APP: variants seen among roughly 807,000 people sequenced by gnomAD.
APP encodes the protein amyloid-beta precursor protein.
In APP, 31 loss-of-function variants were observed where a neutral mutation model predicts 101.4. That is an observed-to-expected ratio of 0.31 (90% CI 0.23 to 0.41). The LOEUF (loss-of-function observed/expected upper bound fraction) is 0.41. Ranked by LOEUF, APP falls within the 10% of genes least tolerant of loss-of-function variation. The pLI is 1.00. For missense variants in APP, 839 were observed against 1,003.7 expected, an observed-to-expected ratio of 0.84 and a Z score of 2.22; for synonymous variants, 366 against 364.4, an observed-to-expected ratio of 1.00 and a Z score of -0.05.
At chr21:26,114,147 G>A (rs55728111) in intron 1 of APP, among the ~76,000 whole-genome samples, 3,680 of 152,216 alleles carry the variant, frequency 0.024, 154 homozygotes, top group African/African-American at 0.084. Flanking sequence ...CTCCTCCTCT[G>A]CCTCAAACTC....
intron 11 of APP, among the ~76,000 whole-genome samples, chr21:25,958,607 A>G (rs183679930): frequency 6.6e-6 from 1 of 152,346 alleles, no homozygotes; most frequent in Admixed American, 6.5e-5. Context: ...TACATTTAAA[A>G]ATAAGCACAA....
At chr21:26,062,491 C>T (rs771987700) in intron 3 of APP, among the ~76,000 whole-genome samples, 1 of 151,580 alleles carries the variant, frequency 6.6e-6, no homozygotes, top group Non-Finnish European at 1.5e-5. Context: ...GGTGAAACCC[C>T]GTCTCTACTA....
intron 3 of APP, among the ~76,000 whole-genome samples, chr21:26,080,803 T>C (rs1398518326): frequency 6.6e-6 from 1 of 151,908 alleles, no homozygotes; most frequent in Non-Finnish European, 1.5e-5. Context: ...AATCCTGCTT[T>C]CCAAAGATTA....
intron 4 of APP, 128 bp downstream of exon 4, chr21:26,053,108 T>A (rs1393065373): frequency 1.3e-6 from 1 of 788,520 alleles, no homozygotes; most frequent in Non-Finnish European, 2.3e-6. Flanking sequence ...TTACGGATAG[T>A]AGCACTGGGT....
chr21:26,096,557 C>G (rs1382642355), intron 2 of APP, among the ~76,000 whole-genome samples: 1 of 152,226 alleles, frequency 6.6e-6, no homozygotes, highest in African/African-American at 2.4e-5. Flanking sequence ...CACACAAAGG[C>G]TGTCGTTAGA....
intron 5 of APP, among the ~76,000 whole-genome samples, chr21:26,047,775 T>C (rs1241296066): frequency 2.6e-5 from 4 of 152,140 alleles, no homozygotes; most frequent in Non-Finnish European, 5.9e-5. Flanking sequence ...CCAAATATAG[T>C]AGTCACCAGC....
rs1437427798 is a variant in APP, at chr21:25,975,063, G to A, written c.1458+7C>T. ...TGAAGTGTGAACTCGGCTGCAGCGA[G>A]ACCTACCCGAGGAGGAACAGCCTGC... On this transcript the variant is annotated splice_region_variant and intron_variant, in intron 11 of 17. Coordinates refer to ENST00000346798, the MANE Select transcript of APP (RefSeq NM_000484.4). The A allele has an allele frequency of 8.1e-6, 13 of 1,613,924 alleles. No homozygotes were observed. Among genetic ancestry groups the A allele is most frequent in the Non-Finnish European group, 1.0e-5 (12 of 1,180,030 alleles).
chr21:26,033,452 C>A (rs2044937980), intron 5 of APP, among the ~76,000 whole-genome samples: 1 of 152,188 alleles, frequency 6.6e-6, no homozygotes, highest in Non-Finnish European at 1.5e-5. Context: ...TTATAAACTA[C>A]CCAGTCTTGG....
rs757677260 is a variant in APP at position 25,955,615 on chromosome 21, C to A, written c.1587+12G>T. The A allele has an allele frequency of 6.2e-7, 1 of 1,613,980 alleles. No homozygotes were observed. The highest frequency in any genetic ancestry group is 1.1e-5 in the South Asian group (1 of 91,072). ...GTCAAAGCTGCAGAAGATGATTATA[C>A]CCCACGCTTACCTGGGACCGGATCT... On this transcript the variant is annotated intron_variant, in intron 12 of 17. Coordinates refer to ENST00000346798, the MANE Select transcript of APP (RefSeq NM_000484.4).
chr21:26,017,294 G>GACAGAGAATC (rs1241912034), intron 6 of APP, among the ~76,000 whole-genome samples: 12 of 146,110 alleles, frequency 8.2e-5, no homozygotes, highest in African/African-American at 2.8e-4. Flanking sequence ...AAGGTTTAAA[G>GACAGAGAATC]ACAGAGAATC....
intron 8 of APP, among the ~76,000 whole-genome samples, chr21:25,991,576 C>T (rs1313100339): frequency 6.6e-6 from 1 of 152,192 alleles, no homozygotes; most frequent in African/African-American, 2.4e-5. Context: ...TGGGGTTTCG[C>T]CATGTTGGCC....
At chr21:25,958,108 C>G (rs1891584039) in intron 11 of APP, among the ~76,000 whole-genome samples, 2 of 152,258 alleles carry the variant, frequency 1.3e-5, no homozygotes, top group Non-Finnish European at 2.9e-5. Context: ...AAAGGACTGT[C>G]ACCAACAAGC....
chr21:26,114,321 T>C (rs2062390326), intron 1 of APP, among the ~76,000 whole-genome samples: 1 of 152,098 alleles, frequency 6.6e-6, no homozygotes, highest in Non-Finnish European at 1.5e-5. Flanking sequence ...AGGCCCCCAA[T>C]AGTCCCTGCC....
chr21:26,045,018 C>T (rs139630056), intron 5 of APP, among the ~76,000 whole-genome samples: 1 of 152,064 alleles, frequency 6.6e-6, no homozygotes, highest in African/African-American at 2.4e-5. Context: ...TATGTCTGTG[C>T]AACACATTTA....
At chr21:26,088,672 G>C (rs187028859) in intron 3 of APP, among the ~76,000 whole-genome samples, 3 of 152,164 alleles carry the variant, frequency 2.0e-5, no homozygotes, top group Admixed American at 2.0e-4. Context: ...TTTTTGAGTA[G>C]GAGTTCTGTA....
chr21:25,995,721 GA>G, intron 8 of APP, among the ~76,000 whole-genome samples: 1 of 152,132 alleles, frequency 6.6e-6, no homozygotes, highest in African/African-American at 2.4e-5. Flanking sequence ...TGTTTTTAGA[GA>G]AAAATGCTTT....
chr21:26,131,199 G>C (rs778504923), intron 1 of APP, among the ~76,000 whole-genome samples: 1 of 151,694 alleles, frequency 6.6e-6, no homozygotes, highest in African/African-American at 2.4e-5. Context: ...ACTGCACTCC[G>C]GCCCAGGTAA....
chr21:25,950,958 C>T (rs771953490), intron 13 of APP, among the ~76,000 whole-genome samples: 2 of 152,160 alleles, frequency 1.3e-5, no homozygotes, highest in Non-Finnish European at 2.9e-5. Context: ...TCCAGAAGGA[C>T]ATGAGTGTTA....
intron 8 of APP, among the ~76,000 whole-genome samples, chr21:25,988,338 T>C (rs1157247019): frequency 1.3e-5 from 2 of 152,140 alleles, no homozygotes; most frequent in African/African-American, 4.8e-5. Context: ...GGGGAGTATA[T>C]GTGATGGGGC....
Sources: gnomAD v4.1 joint callset for allele counts (sites outside exome capture counted in the v4.1 genomes callset) on GRCh38, gnomAD v4.1.1 for gene constraint, MANE v1.5 for transcripts, NCBI Gene and HGNC (gene_info 2026-07-23, HGNC 2026-07-21) for gene names.